The following RNF121 variants were observed in gnomAD, a reference collection of about 807,000 sequenced individuals.
The protein encoded by RNF121 is E3 ubiquitin ligase RNF121.
Under a neutral mutation model 46.5 loss-of-function variants are expected in RNF121, and 21 were observed. The ratio of observed to expected loss-of-function variants is 0.45; its 90% confidence interval spans 0.32 to 0.65. RNF121 has a LOEUF of 0.65. Ranked by LOEUF, RNF121 falls within the 30% of genes least tolerant of loss-of-function variation. RNF121 has a pLI of 0.04. For missense variants in RNF121, 346 were observed against 416.0 expected (o/e 0.83, Z 1.46); for synonymous variants, 139 against 144.7 (o/e 0.96, Z 0.28).
At chr11:71,995,239 A>G in intron 7 of RNF121, 1 of 596,012 alleles carries the variant, frequency 1.7e-6, no homozygotes, top group Non-Finnish European at 3.0e-6. Flanking sequence ...TGGGAAAGCC[A>G]TGTATTGTCT....
At position 71,982,931 on chromosome 11, in the gene RNF121, G is replaced by C; in HGVS notation, c.398+16G>C. 6.3e-7 allele frequency: 1 copy of C among 1,590,048 alleles called. No individual in the cohort carries two copies. Among genetic ancestry groups the C allele is most frequent in the Non-Finnish European group, 8.6e-7 (1 of 1,169,026 alleles). On this transcript the variant is annotated intron_variant, in intron 4 of 8. Transcript: ENST00000361756. ...CAACCCCAAGGTGAGAGTTTAAGTA[G>C]TGGGAAGAGCCCAGGTTTTCCGAAG...
chr11:71,980,547 A>G (rs1434056607), intron 3 of RNF121, among the ~76,000 whole-genome samples: 2 of 152,142 alleles, frequency 1.3e-5, no homozygotes, highest in Non-Finnish European at 2.9e-5. Context: ...GGGTTTCACC[A>G]TGTTGGCCAG....
At chr11:71,951,735 A>G (rs1057081735) in intron 1 of RNF121, among the ~76,000 whole-genome samples, 3 of 152,268 alleles carry the variant, frequency 2.0e-5, no homozygotes, top group Middle Eastern at 3.4e-3. Flanking sequence ...AAGAAGTCCA[A>G]CGTCATTTAG....
In RNF121 at chr11:71,996,427, C is replaced by G. The variant is rs912649127; in HGVS notation, c.*112C>G. The G allele has an allele frequency of 5.4e-6, 7 of 1,294,448 alleles. No individual in the cohort carries two copies. In the African/African-American group the frequency reaches 1.0e-4, roughly 19 times the overall value. The allele number at this position is 1,294,448 out of a possible 1,614,324, so 80.2% of individuals were successfully genotyped here. ...GGAAAGACTCAAAGGGGTGCTTGGG[C>G]CACTCAGGACCCCTCTGGCTGTGTC... On this transcript the variant is annotated 3_prime_UTR_variant, in exon 9 of 9. Transcript: ENST00000361756.
chr11:71,996,142 G>A, intron 8 of RNF121, 53 bp from the exon 9 acceptor site: 1 of 1,608,118 alleles, frequency 6.2e-7, no homozygotes, highest in Non-Finnish European at 8.5e-7. Flanking sequence ...ACCCATGCTA[G>A]ATCACTCCTG....
chr11:71,987,109 C>A lies in RNF121; in HGVS notation c.504C>A (p.Phe168Leu). The change falls in exon 5 of 9, where the codon TTC becomes TTA. Residue 168 changes from phenylalanine to leucine, a missense_variant and splice_region_variant. Physicochemically the swap from Phe to Leu is conservative, Grantham distance 22 (BLOSUM62 0). Transcript: ENST00000361756. Reference sequence around the variant, plus strand: ...CCCTCTTTGGTCTTAACTTATTATTCAAGTGAGTACCCTTTGTTTTTGTTT... The same window carrying A: ...CCCTCTTTGGTCTTAACTTATTATTAAAGTGAGTACCCTTTGTTTTTGTTT... Reference protein sequence around the residue: ...MFTLFGLNLLFKIKPEDAMDF... With the variant: ...MFTLFGLNLLLKIKPEDAMDF... 6.3e-7 allele frequency: 1 copy of A among 1,583,590 alleles called. No homozygotes were observed. Among genetic ancestry groups the A allele is most frequent in the Non-Finnish European group, 8.7e-7 (1 of 1,152,384 alleles).
chr11:71,943,735 A>G (rs540096692), intron 1 of RNF121, among the ~76,000 whole-genome samples: 16 of 152,324 alleles, frequency 1.1e-4, no homozygotes, highest in African/African-American at 3.1e-4. Flanking sequence ...AAGACTCCCT[A>G]GAAGTGATAC....
At chr11:71,993,441 T>C (rs1289017450) in intron 6 of RNF121, among the ~76,000 whole-genome samples, 2 of 148,600 alleles carry the variant, frequency 1.3e-5, no homozygotes, top group Non-Finnish European at 3.0e-5. Flanking sequence ...ATTGTAGATA[T>C]TTCATGTAAA....
intron 1 of RNF121, among the ~76,000 whole-genome samples, chr11:71,935,872 T>G (rs1308241740): frequency 2.9e-5 from 4 of 140,026 alleles, no homozygotes; most frequent in African/African-American, 1.1e-4. Flanking sequence ...TTTTTTGAGA[T>G]GGAGTGTCTC....
rs749916948 is a variant in RNF121 at position 71,960,899 on chromosome 11, A to G, written c.243+8A>G. 6.3e-5 allele frequency: 102 copies of G among 1,612,860 alleles called. No individual in the cohort carries two copies. Among genetic ancestry groups the G allele is most frequent in the South Asian group, 6.3e-4 (57 of 91,010 alleles). On this transcript the variant is annotated splice_region_variant and intron_variant, in intron 3 of 8. Coordinates refer to ENST00000361756, the MANE Select transcript of RNF121 (RefSeq NM_018320.5). ...CACCCACGCTCCTACAATGTAAGCC[A>G]CTTTGCCTCTTACTTCTTTGTCTGT...
At chr11:71,966,338 G>A (rs1431640735) in intron 3 of RNF121, among the ~76,000 whole-genome samples, 5 of 152,012 alleles carry the variant, frequency 3.3e-5, no homozygotes, top group African/African-American at 7.2e-5. Context: ...CATTTTTATC[G>A]AAGTAATACA....
intron 3 of RNF121, among the ~76,000 whole-genome samples, chr11:71,964,132 C>T (rs898242290): frequency 6.6e-6 from 1 of 152,304 alleles, no homozygotes; most frequent in South Asian, 2.1e-4. Flanking sequence ...TATTAATCTT[C>T]CAGTACCTGA....
chr11:71,986,542 T>C (rs7949480), intron 4 of RNF121, among the ~76,000 whole-genome samples: 135,025 of 151,984 alleles, frequency 0.89, 60,222 homozygotes, highest in Non-Finnish European at 0.95. Flanking sequence ...CTGAGGCGAG[T>C]GGATCATGTG....
At chr11:71,980,687 A>G (rs934183418) in intron 3 of RNF121, among the ~76,000 whole-genome samples, 4 of 152,170 alleles carry the variant, frequency 2.6e-5, no homozygotes, top group Non-Finnish European at 5.9e-5. Context: ...CTATAAGAGA[A>G]TGGTAGCTAC....
At chr11:71,969,212 C>A (rs941567570) in intron 3 of RNF121, among the ~76,000 whole-genome samples, 1 of 151,852 alleles carries the variant, frequency 6.6e-6, no homozygotes, top group Non-Finnish European at 1.5e-5. Flanking sequence ...CATAGCAACA[C>A]TATTTGTAGT....
chr11:71,994,862 C>T lies in RNF121; in HGVS notation c.761+10C>T, dbSNP rs1396254385. On this transcript the variant is annotated intron_variant, in intron 7 of 8. Coordinates refer to ENST00000361756, the MANE Select transcript of RNF121 (RefSeq NM_018320.5). ...TGTCCTGCAATCATGTGTATCCTGCCTCGAGCTCCTGGGCCACATCTCTCC... is the reference window on the plus strand; with the variant it reads ...TGTCCTGCAATCATGTGTATCCTGCTTCGAGCTCCTGGGCCACATCTCTCC... The T allele has an allele frequency of 1.2e-6, 2 of 1,613,970 alleles. No individual in the cohort carries two copies. The highest frequency in any genetic ancestry group is 1.3e-5 in the African/African-American group (1 of 74,914).
chr11:71,934,311 A>G (rs1306762809), intron 1 of RNF121, among the ~76,000 whole-genome samples: 1 of 152,250 alleles, frequency 6.6e-6, no homozygotes, highest in Admixed American at 6.5e-5. Context: ...ACAGACTGGT[A>G]TGAGTAGAGA....
chr11:71,967,559 A>G (rs1590796287), intron 3 of RNF121, among the ~76,000 whole-genome samples: 1 of 152,024 alleles, frequency 6.6e-6, no homozygotes, highest in East Asian at 1.9e-4. Flanking sequence ...ACAAAATACA[A>G]TAGTATTTAG....
intron 1 of RNF121, among the ~76,000 whole-genome samples, chr11:71,942,851 C>G (rs1953616928): frequency 1.3e-5 from 2 of 151,464 alleles, no homozygotes; most frequent in African/African-American, 2.4e-5. Context: ...TCTCACAGTT[C>G]TGGAGGCTGG....
Sources: gnomAD v4.1 joint callset for allele counts (sites outside exome capture counted in the v4.1 genomes callset) on GRCh38, gnomAD v4.1.1 for gene constraint, MANE v1.5 for transcripts, NCBI Gene and HGNC (gene_info 2026-07-23, HGNC 2026-07-21) for gene names.